GALNT15: variants seen among roughly 807,000 people sequenced by gnomAD.
GALNT15 encodes the protein polypeptide N-acetylgalactosaminyltransferase 15, also known as UDP-GalNAc transferase T15.
Under a neutral mutation model 66.8 loss-of-function variants are expected in GALNT15, and 67 were observed. The observed-to-expected ratio is 1.00, with a 90% CI of 0.82 to 1.23. The LOEUF is 1.23. GALNT15 is among the 50% of genes most tolerant of loss of function. GALNT15 has a pLI of 0.00. For missense variants in GALNT15, 827 were observed against 804.3 expected (o/e 1.03, Z -0.34); for synonymous variants, 313 against 311.5 (o/e 1.00, Z -0.05).
Position 16,175,790 on chromosome 3 carries a change from T to A in GALNT15, c.539+100T>A. On this transcript the variant is annotated intron_variant, in intron 1 of 9. Transcript: ENST00000339732. This position sits in a 1 kb window ranked among gnomAD's most constrained non-coding sequence, Gnocchi z 5.6. ...TTTCCGTAGCCTGCCTCTCCTGACT[T>A]AGAGCAAGTGCTTTTCAAGATGCAG... 1 of 1,091,816 alleles carries A rather than the reference T, an allele frequency of 9.2e-7. No homozygotes were observed. Among genetic ancestry groups the A allele is most frequent in the South Asian group, 1.7e-5 (1 of 60,204 alleles). 67.6% of individuals were successfully genotyped at this position (1,091,816 alleles called of 1,614,324 possible).
chr3:16,215,169 T>G (rs2124891778), intron 6 of GALNT15, among the ~76,000 whole-genome samples: 1 of 152,366 alleles, frequency 6.6e-6, no homozygotes, highest in African/African-American at 2.4e-5. Context: ...TTTACAGAAC[T>G]TCAACCTTCT....
At chr3:16,210,146 A>G (rs890833989) in intron 4 of GALNT15, among the ~76,000 whole-genome samples, 1 of 152,220 alleles carries the variant, frequency 6.6e-6, no homozygotes, top group Non-Finnish European at 1.5e-5. Flanking sequence ...GCACAGAGCT[A>G]CATATTTTAC....
chr3:16,222,648 T>G lies in GALNT15; in HGVS notation c.1663T>G (p.Phe555Val). 1 of 1,614,232 alleles carries G rather than the reference T, an allele frequency of 6.2e-7. No homozygotes were observed. Among genetic ancestry groups the G allele is most frequent in the Non-Finnish European group, 8.5e-7 (1 of 1,180,034 alleles). The change falls in exon 9 of 10, where the codon TTT becomes GTT. Residue 555 changes from phenylalanine to valine, a missense_variant. Phe to Val is a conservative substitution (Grantham distance 50). Coordinates refer to ENST00000339732, the MANE Select transcript of GALNT15 (RefSeq NM_054110.5). ...GCACACCAGCAGGAAGGAGATTCAC[T>G]TTGGCAGCCCACAGCACCTGTGCTT... is the stretch of plus-strand genomic sequence containing the variant. Reference protein sequence around the residue: ...LQHTSRKEIHFGSPQHLCFAV... With the variant: ...LQHTSRKEIHVGSPQHLCFAV...
chr3:16,219,506 C>A lies in GALNT15; in HGVS notation c.1496C>A (p.Ser499Tyr). The change falls in exon 7 of 10, where the codon TCT becomes TAT. Residue 499 changes from serine (S) to tyrosine (Y), a missense_variant. Transcript: ENST00000339732. This position sits in a 1 kb window ranked among gnomAD's most constrained non-coding sequence, Gnocchi z 4.3. Reference protein sequence around the residue: ...LANVYPELYPSEPRPSFSGKL... With the variant: ...LANVYPELYPYEPRPSFSGKL... ...AATGTCTACCCTGAGCTGTACCCATCTGAACCCAGGCCCAGTTTCTCTGGA... is the reference window on the plus strand; with the variant it reads ...AATGTCTACCCTGAGCTGTACCCATATGAACCCAGGCCCAGTTTCTCTGGA... 5.6e-6 allele frequency: 9 copies of A among 1,614,236 alleles called. No individual in the cohort carries two copies. The highest frequency in any genetic ancestry group is 7.6e-6 in the Non-Finnish European group (9 of 1,180,046).
chr3:16,232,613 A>G (rs79733198), downstream of GALNT15, among the ~76,000 whole-genome samples: 3,120 of 148,926 alleles, frequency 0.021, 124 homozygotes, highest in African/African-American at 0.073. Flanking sequence ...AGAGTGAATC[A>G]GAGACAGCTG....
chr3:16,216,368 G>A (rs575368032), intron 6 of GALNT15, among the ~76,000 whole-genome samples: 1 of 152,172 alleles, frequency 6.6e-6, no homozygotes, highest in South Asian at 2.1e-4. Context: ...GCGTGGTGGT[G>A]TGCACCTGTA....
At position 16,189,425 on chromosome 3, in the gene GALNT15, T is replaced by C. The variant is rs1257400282; in HGVS notation, c.540-6335T>C. Among the ~76,000 whole-genome samples the C allele has an allele frequency of 6.6e-6, 1 of 152,188 alleles. No homozygotes were observed. The highest frequency in any genetic ancestry group is 1.5e-5 in the Non-Finnish European group (1 of 68,032). On this transcript the variant is annotated intron_variant, in intron 1 of 9. Transcript: ENST00000339732. This position sits in a 1 kb window ranked among gnomAD's most constrained non-coding sequence, Gnocchi z 5.1. ...AATGCATGAGAATATCCTACAAATATCAGTGATTGTTATTCCCAGAATACC... is the reference window on the plus strand; with the variant it reads ...AATGCATGAGAATATCCTACAAATACCAGTGATTGTTATTCCCAGAATACC...
At chr3:16,201,905 C>G (rs923258165) in intron 3 of GALNT15, among the ~76,000 whole-genome samples, 28 of 152,326 alleles carry the variant, frequency 1.8e-4, no homozygotes, top group African/African-American at 5.3e-4. Flanking sequence ...AGGCATACCA[C>G]TTGGAGCTCA....
In GALNT15 at chr3:16,219,354, T is replaced by C; in HGVS notation, c.1393-49T>C. On this transcript the variant is annotated intron_variant, in intron 6 of 9. Transcript: ENST00000339732. The surrounding 1 kb of genome is among the most constrained non-coding windows in gnomAD (Gnocchi z 4.3). ...ACTCCATCCCCAACCATGTGAATTC[T>C]GGGCAAGACAAGCTTTCATCATCCT... The C allele has an allele frequency of 5.0e-6, 8 of 1,604,540 alleles. No individual in the cohort carries two copies. The highest frequency in any genetic ancestry group is 6.8e-6 in the Non-Finnish European group (8 of 1,175,228).
At chr3:16,232,465 AATAAAT>A (rs1217716017), downstream of GALNT15, among the ~76,000 whole-genome samples, 18 of 28,644 alleles carry the variant, frequency 6.3e-4, no homozygotes, top group South Asian at 0.026. Flanking sequence ...TAAATAAATA[AATAAAT>A]ATATATATAT....
intron 3 of GALNT15, among the ~76,000 whole-genome samples, chr3:16,201,383 G>A (rs1345495608): frequency 2.7e-5 from 4 of 150,718 alleles, no homozygotes; most frequent in East Asian, 1.9e-4. Flanking sequence ...GGGTTTCACC[G>A]TGTTAGCCAG....
At chr3:16,235,036 C>A (rs560889495), downstream of GALNT15, among the ~76,000 whole-genome samples, 2 of 151,968 alleles carry the variant, frequency 1.3e-5, no homozygotes, top group Admixed American at 1.3e-4. Context: ...CATTATCCTG[C>A]CTCAGCCTCC....
chr3:16,238,481 T>C, the GALNT15 span, among the ~76,000 whole-genome samples: 1 of 152,176 alleles, frequency 6.6e-6, no homozygotes, highest in South Asian at 2.1e-4. The surrounding 1 kb of genome is among the most constrained non-coding windows in gnomAD (Gnocchi z 4.8). Context: ...GTTGTTAATA[T>C]TGTAACAACA....
chr3:16,191,154 A>G lies in GALNT15; in HGVS notation c.540-4606A>G, dbSNP rs994450426. On this transcript the variant is annotated intron_variant, in intron 1 of 9. Coordinates refer to ENST00000339732, the MANE Select transcript of GALNT15 (RefSeq NM_054110.5). The surrounding 1 kb of genome is among the most constrained non-coding windows in gnomAD (Gnocchi z 5.2). The stretch of plus-strand genomic sequence containing the variant: ...CTCTCACTATGAGGAGAGAAGTTAC[A>G]TCTGTTCATAAAACCCCAAAATTCC... Among the ~76,000 whole-genome samples the G allele has an allele frequency of 6.6e-6, 1 of 152,206 alleles. No individual in the cohort carries two copies. The highest frequency in any genetic ancestry group is 2.4e-5 in the African/African-American group (1 of 41,440).
Position 16,211,232 on chromosome 3 carries a change from G to A in GALNT15, c.1188G>A (p.Leu396=). ...MSLRGGENLE[L]SFKAWLCGGS... Reference sequence around the variant, plus strand: ...TGCGAGGTGGTGAAAACCTCGAACTGTCTTTCAAGGTATGTCCTGGACCAA... The same window carrying A: ...TGCGAGGTGGTGAAAACCTCGAACTATCTTTCAAGGTATGTCCTGGACCAA... Residue 396 remains leucine (L), a synonymous_variant, in exon 5 of 10, where the codon CTG becomes CTA. Coordinates refer to ENST00000339732, the MANE Select transcript of GALNT15 (RefSeq NM_054110.5). This position sits in a 1 kb window ranked among gnomAD's most constrained non-coding sequence, Gnocchi z 4.3. The A allele has an allele frequency of 6.2e-7, 1 of 1,604,606 alleles. No homozygotes were observed. Among genetic ancestry groups the A allele is most frequent in the Non-Finnish European group, 8.5e-7 (1 of 1,171,268 alleles).
At position 16,175,310 on chromosome 3, in the gene GALNT15, T is replaced by A; in HGVS notation, c.159T>A (p.Pro53=). ...CAGCCCAAGCCAGCAAGCACAGCCC[T>A]GAAGCCAGGTACCGCCTGGACTTTG... ...TVTAQASKHS[P]EARYRLDFGE... The change falls in exon 1 of 10, where the codon CCT becomes CCA. Residue 53 remains proline (P), a synonymous_variant. Transcript: ENST00000339732. This position sits in a 1 kb window ranked among gnomAD's most constrained non-coding sequence, Gnocchi z 5.6. 1.2e-6 allele frequency: 2 copies of A among 1,614,130 alleles called. No individual in the cohort carries two copies. Among genetic ancestry groups the A allele is most frequent in the Non-Finnish European group, 1.7e-6 (2 of 1,180,018 alleles).
chr3:16,224,260 G>A lies in GALNT15; in HGVS notation c.1773+1502G>A, dbSNP rs1048143141. On this transcript the variant is annotated intron_variant, in intron 9 of 9. Coordinates refer to ENST00000339732, the MANE Select transcript of GALNT15 (RefSeq NM_054110.5). The surrounding 1 kb of genome is among the most constrained non-coding windows in gnomAD (Gnocchi z 5.2). ...GCACTGTTGACAATAGCCAAGAAGT[G>A]AAAGCAACCCAGGTGTCCACCATGG... Among the ~76,000 whole-genome samples the A allele has an allele frequency of 2.2e-4, 34 of 152,160 alleles. No homozygotes were observed. The highest frequency in any genetic ancestry group is 7.7e-4 in the African/African-American group (32 of 41,430).
chr3:16,218,819 T>C (rs1456856233), intron 6 of GALNT15, among the ~76,000 whole-genome samples: 3 of 148,602 alleles, frequency 2.0e-5, no homozygotes. Context: ...TCTTTTTTTT[T>C]TTTTTTTTTT....
rs924315691 is a variant in GALNT15 at position 16,182,788 on chromosome 3, C to T, written c.539+7098C>T. The T allele has an allele frequency of 2.0e-5, 3 of 152,230 alleles. No homozygotes were observed. Among genetic ancestry groups the T allele is most frequent in the Admixed American group, 2.0e-4 (3 of 15,276 alleles). 9.4% of individuals were successfully genotyped at this position (152,230 alleles called of 1,614,324 possible). A position where few individuals can be genotyped will look rare whatever the true frequency, so the allele number is the denominator to read the frequency against. On this transcript the variant is annotated intron_variant, in intron 1 of 9. Coordinates refer to ENST00000339732, the MANE Select transcript of GALNT15 (RefSeq NM_054110.5). The surrounding 1 kb of genome is among the most constrained non-coding windows in gnomAD (Gnocchi z 6.1). ...CAGGCCCCACCCCAGACCTACTTGA[C>T]CTAAGTCTACATTTAATGAGGTCCC...
Sources: allele counts gnomAD v4.1 joint callset (sites outside exome capture counted in the v4.1 genomes callset), GRCh38; gene constraint gnomAD v4.1.1; non-coding constraint Gnocchi (gnomAD v3.1); transcripts MANE v1.5; gene names NCBI Gene and HGNC (gene_info 2026-07-23, HGNC 2026-07-21).